The following CDH13 variants were observed in gnomAD, a reference collection of about 807,000 sequenced individuals.
CDH13 encodes the protein cadherin-13.
A neutral mutation model predicts 63.8 loss-of-function variants in CDH13; 24 were observed. The ratio of observed to expected loss-of-function variants is 0.38; its 90% CI spans 0.27 to 0.53. The LOEUF is 0.53. CDH13 is among the 20% of genes least tolerant of loss of function. The pLI, the probability that CDH13 is intolerant of heterozygous loss-of-function variation, is 0.85. For missense variants in CDH13, 1,049 were observed against 903.1 expected (o/e 1.16, Z -2.07); for synonymous variants, 503 against 355.3 (o/e 1.42, Z -4.67).
At chr16:83,189,986 T>C (rs2038646413) in intron 4 of CDH13, among the ~76,000 whole-genome samples, 1 of 152,192 alleles carries the variant, frequency 6.6e-6, no homozygotes, top group African/African-American at 2.4e-5. Flanking sequence ...ACTTTGCTCC[T>C]CATTCACCTT....
chr16:83,514,287 C>G (rs967505050), intron 7 of CDH13, among the ~76,000 whole-genome samples: 3 of 152,168 alleles, frequency 2.0e-5, no homozygotes, highest in Non-Finnish European at 4.4e-5. Context: ...ATGTAATTAG[C>G]TAAGATGAGG....
chr16:83,152,850 A>G (rs2037044680), intron 4 of CDH13, among the ~76,000 whole-genome samples: 1 of 152,204 alleles, frequency 6.6e-6, no homozygotes, highest in Non-Finnish European at 1.5e-5. Flanking sequence ...TGGGTCTTTA[A>G]TCCAATATGA....
intron 4 of CDH13, among the ~76,000 whole-genome samples, chr16:83,160,125 G>C (rs983618456): frequency 2.6e-5 from 4 of 152,054 alleles, no homozygotes; most frequent in African/African-American, 9.7e-5. Flanking sequence ...CCTCGCACAT[G>C]CTGTTGGATG....
At chr16:83,415,075 G>C (rs1357174921) in intron 6 of CDH13, among the ~76,000 whole-genome samples, 3 of 151,650 alleles carry the variant, frequency 2.0e-5, no homozygotes, top group Non-Finnish European at 2.9e-5. Context: ...AGAAATGAAA[G>C]AGGGAACATT....
At chr16:83,379,909 A>G (rs991971619) in intron 6 of CDH13, among the ~76,000 whole-genome samples, 25 of 123,898 alleles carry the variant, frequency 2.0e-4, no homozygotes, top group Non-Finnish European at 3.4e-4. Context: ...TGTATTATAT[A>G]TGTGTGTGTG....
intron 8 of CDH13, among the ~76,000 whole-genome samples, chr16:83,653,678 A>T (rs1021238268): frequency 6.6e-6 from 1 of 152,174 alleles, no homozygotes; most frequent in African/African-American, 2.4e-5. Flanking sequence ...TGTTGGGAAG[A>T]GGTTTAGAAA....
intron 11 of CDH13, among the ~76,000 whole-genome samples, chr16:83,776,310 C>T (rs1915111254): frequency 6.6e-6 from 1 of 152,104 alleles, no homozygotes; most frequent in Non-Finnish European, 1.5e-5. Context: ...CCGAGATATT[C>T]AATTAGTTCA....
intron 1 of CDH13, among the ~76,000 whole-genome samples, chr16:82,737,177 G>C (rs2033714847): frequency 6.6e-6 from 1 of 152,188 alleles, no homozygotes; most frequent in African/African-American, 2.4e-5. Context: ...ATGTCCCAAA[G>C]GCATGTGAAC....
chr16:83,397,178 G>T (rs1260091057), intron 6 of CDH13, among the ~76,000 whole-genome samples: 1 of 152,114 alleles, frequency 6.6e-6, no homozygotes, highest in Middle Eastern at 3.2e-3. Flanking sequence ...CTCTCACCAA[G>T]TTGTGTTTCC....
Position 83,670,862 on chromosome 16 carries a change from A to C in CDH13, c.1174A>C (p.Thr392Pro). ...NLTVEDKDDP[T>P]TGAWRAAYTI... ...GACAGTTGAAGATAAGGATGACCCC[A>C]CCACAGGTGCATGGAGGGCTGCCTA... The change falls in exon 9 of 14, where the codon ACC (threonine) becomes CCC (proline). Residue 392 changes from threonine (T) to proline (P), a missense_variant. Coordinates refer to ENST00000567109, the MANE Select transcript of CDH13 (RefSeq NM_001257.5). 6.2e-7 allele frequency: 1 copy of C among 1,613,878 alleles called. No homozygotes were observed. Among genetic ancestry groups the C allele is most frequent in the Non-Finnish European group, 8.5e-7 (1 of 1,179,804 alleles).
At chr16:83,052,801 A>AG (rs796665223) in intron 3 of CDH13, among the ~76,000 whole-genome samples, 3,241 of 122,486 alleles carry the variant, frequency 0.026, 276 homozygotes, top group South Asian at 0.091. Flanking sequence ...AAAAAAAAAA[A>AG]AAAGAAAGAA....
intron 10 of CDH13, among the ~76,000 whole-genome samples, chr16:83,734,498 C>T (rs1011452310): frequency 1.5e-4 from 23 of 151,302 alleles, no homozygotes; most frequent in East Asian, 3.9e-4. Context: ...AACCAAACAC[C>T]GCATGTTCTC....
intron 6 of CDH13, among the ~76,000 whole-genome samples, chr16:83,456,300 A>G (rs2073023358): frequency 6.6e-6 from 1 of 152,252 alleles, no homozygotes; most frequent in Non-Finnish European, 1.5e-5. Context: ...ACCAGGGCCA[A>G]CGACCTAGAG....
Position 83,041,765 on chromosome 16 carries a change from C to T in CDH13, c.366+9547C>T, listed in dbSNP as rs74949950. Among the ~76,000 whole-genome samples, 724 of 152,284 alleles carry T rather than the reference C, an allele frequency of 4.8e-3. 4 individuals carry two copies. Among genetic ancestry groups the T allele is most frequent in the Non-Finnish European group, 8.1e-3 (550 of 68,018 alleles). On this transcript the variant is annotated intron_variant, in intron 3 of 13. Transcript: ENST00000567109. ...TCAGCCACATGATACTGAAAAGTTA[C>T]GTAACTTCTCTGAGGTTCAGTTTTC...
intron 2 of CDH13, among the ~76,000 whole-genome samples, chr16:82,944,279 A>G (rs1904452145): frequency 6.6e-6 from 1 of 152,146 alleles, no homozygotes; most frequent in South Asian, 2.1e-4. Flanking sequence ...GGCTTCTGGT[A>G]TGACTTGCAG....
chr16:82,816,620 G>C (rs1417503460), intron 1 of CDH13, among the ~76,000 whole-genome samples: 1 of 152,104 alleles, frequency 6.6e-6, no homozygotes, highest in Admixed American at 6.6e-5. Flanking sequence ...TGAGAATGGA[G>C]AGTGCCTGGT....
chr16:82,676,486 C>CTTTTTTTTTTTTTTTTT (rs11330492), intron 1 of CDH13, among the ~76,000 whole-genome samples: 3 of 96,372 alleles, frequency 3.1e-5, no homozygotes, highest in Non-Finnish European at 6.1e-5. Flanking sequence ...ACCATCATTT[C>CTTTTTTTTTTTTTTTTT]TTTTTTTTTT....
At chr16:83,241,553 G>C (rs1477965567) in intron 5 of CDH13, among the ~76,000 whole-genome samples, 1 of 152,086 alleles carries the variant, frequency 6.6e-6, no homozygotes, top group Non-Finnish European at 1.5e-5. Context: ...ACCTCATTAT[G>C]GTTTTGATTT....
At chr16:83,571,132 T>C (rs1212951045) in intron 7 of CDH13, among the ~76,000 whole-genome samples, 1 of 151,682 alleles carries the variant, frequency 6.6e-6, no homozygotes, top group Admixed American at 6.6e-5. Context: ...TAAAAGTCCT[T>C]TTCACTTTAT....
Sources: allele counts gnomAD v4.1 joint callset (sites outside exome capture counted in the v4.1 genomes callset), GRCh38; gene constraint gnomAD v4.1.1; transcripts MANE v1.5; gene names NCBI Gene and HGNC (gene_info 2026-07-23, HGNC 2026-07-21).